DPP10: variants seen among roughly 807,000 people sequenced by gnomAD.
The protein encoded by DPP10 is inactive dipeptidyl peptidase 10.
DPP10 carries 33 observed loss-of-function variants against 120.9 expected under a neutral mutation model. The observed-to-expected ratio is 0.27, with a 90% CI of 0.21 to 0.37. The LOEUF is 0.37. DPP10 is among the 10% of genes least tolerant of loss of function. The probability of loss-of-function intolerance (pLI) is 1.00; values close to 1 mark genes in which losing one functional copy is unlikely to be tolerated. For missense variants in DPP10, 816 were observed against 942.8 expected, an observed-to-expected ratio of 0.87 and a Z score of 1.76; for synonymous variants, 337 against 326.1, an observed-to-expected ratio of 1.03 and a Z score of -0.36.
At chr2:115,184,613 A>C (rs1159678868) in intron 1 of DPP10, among the ~76,000 whole-genome samples, 1 of 152,218 alleles carries the variant, frequency 6.6e-6, no homozygotes, top group Non-Finnish European at 1.5e-5. Context: ...CTAATTAATG[A>C]CCCAGGCTAA....
intron 1 of DPP10, among the ~76,000 whole-genome samples, chr2:114,559,891 C>CAAAAAAAAAA (rs60833358): frequency 3.8e-4 from 25 of 65,930 alleles, no homozygotes; most frequent in Non-Finnish European, 5.0e-4. Context: ...AGAAAAAAAG[C>CAAAAAAAAAA]AAAAAAAAAA....
intron 1 of DPP10, among the ~76,000 whole-genome samples, chr2:114,670,904 TATA>T (rs1009203519): frequency 3.3e-5 from 5 of 152,160 alleles, no homozygotes; most frequent in Non-Finnish European, 5.9e-5. Flanking sequence ...ATGGTGTGAT[TATA>T]ATAATTATCA....
intron 5 of DPP10, among the ~76,000 whole-genome samples, chr2:115,563,042 T>C (rs571495233): frequency 1.3e-5 from 2 of 152,360 alleles, no homozygotes; most frequent in African/African-American, 2.4e-5. Context: ...GGAATATAAT[T>C]CATGGGTATG....
At chr2:115,253,755 A>C (rs2058853004) in intron 1 of DPP10, among the ~76,000 whole-genome samples, 1 of 152,226 alleles carries the variant, frequency 6.6e-6, no homozygotes, top group Admixed American at 6.5e-5. Context: ...CTCTGTGGCC[A>C]CTGCTCTATC....
chr2:115,246,193 G>A (rs1043446778), intron 1 of DPP10, among the ~76,000 whole-genome samples: 4 of 151,876 alleles, frequency 2.6e-5, no homozygotes, highest in Non-Finnish European at 5.9e-5. Flanking sequence ...AGTTATCTAC[G>A]AACTGACTAG....
At chr2:114,807,288 G>A (rs891659761) in intron 1 of DPP10, among the ~76,000 whole-genome samples, 2 of 152,114 alleles carry the variant, frequency 1.3e-5, no homozygotes, top group Non-Finnish European at 2.9e-5. Context: ...CATAATAGTT[G>A]TATGTATTTG....
intron 1 of DPP10, among the ~76,000 whole-genome samples, chr2:115,004,780 G>C (rs1238890876): frequency 6.6e-6 from 1 of 152,124 alleles, no homozygotes; most frequent in Non-Finnish European, 1.5e-5. Flanking sequence ...AGGCGGCAGC[G>C]AGGCTGGGGG....
intron 1 of DPP10, among the ~76,000 whole-genome samples, chr2:114,721,218 C>G (rs1399577776): frequency 6.6e-6 from 1 of 152,164 alleles, no homozygotes; most frequent in Non-Finnish European, 1.5e-5. Context: ...TTCTATCATT[C>G]TTCTCTGATG....
At position 115,830,682 on chromosome 2, in the gene DPP10, A is replaced by G. The variant is rs528108939; in HGVS notation, c.1951-5475A>G. On this transcript the variant is annotated intron_variant, in intron 21 of 25. Coordinates refer to ENST00000410059, the MANE Select transcript of DPP10 (RefSeq NM_020868.6). ...AGAGTTTGATTCCAAAAAGTAAAGA[A>G]GAGAAATAAATAAGGATGCCAGGAT... 5.6e-4 allele frequency among the ~76,000 whole-genome samples: 86 copies of G among 152,332 alleles called. 2 individuals are homozygous for G. Among genetic ancestry groups the G allele is most frequent in the African/African-American group, 2.0e-3 (83 of 41,576 alleles).
chr2:115,247,295 T>C (rs1405004473), intron 1 of DPP10, among the ~76,000 whole-genome samples: 1 of 152,116 alleles, frequency 6.6e-6, no homozygotes, highest in Non-Finnish European at 1.5e-5. Context: ...TGTTTTGATG[T>C]CAACCAAGGT....
At chr2:114,802,838 A>C (rs1255919524) in intron 1 of DPP10, among the ~76,000 whole-genome samples, 1 of 152,208 alleles carries the variant, frequency 6.6e-6, no homozygotes, top group African/African-American at 2.4e-5. Flanking sequence ...AAATAATAAT[A>C]ATTCAATTCT....
At chr2:114,542,862 T>C (rs1687063417) in intron 1 of DPP10, among the ~76,000 whole-genome samples, 1 of 152,208 alleles carries the variant, frequency 6.6e-6, no homozygotes, top group Non-Finnish European at 1.5e-5. Context: ...GATCTGCCTC[T>C]CATTTCTTAG....
At chr2:115,756,050 G>T (rs1679361618) in intron 11 of DPP10, among the ~76,000 whole-genome samples, 2 of 151,996 alleles carry the variant, frequency 1.3e-5, no homozygotes, top group Non-Finnish European at 2.9e-5. Flanking sequence ...TAAGTCTGGA[G>T]GACGTTATGT....
intron 1 of DPP10, among the ~76,000 whole-genome samples, chr2:115,069,631 T>C (rs1239483697): frequency 6.6e-6 from 1 of 152,090 alleles, no homozygotes; most frequent in Non-Finnish European, 1.5e-5. Flanking sequence ...TTGATTTTGT[T>C]GGAAATACAT....
At chr2:115,128,191 CAT>C (rs1417004482) in intron 1 of DPP10, among the ~76,000 whole-genome samples, 1 of 152,110 alleles carries the variant, frequency 6.6e-6, no homozygotes. Flanking sequence ...CCTCTCCAGA[CAT>C]ATTGATTTTT....
intron 3 of DPP10, among the ~76,000 whole-genome samples, chr2:115,377,427 A>C (rs1342128682): frequency 6.6e-6 from 1 of 152,142 alleles, no homozygotes; most frequent in Non-Finnish European, 1.5e-5. Flanking sequence ...AATTTGTTTA[A>C]GTTCATTGTA....
intron 1 of DPP10, among the ~76,000 whole-genome samples, chr2:115,170,528 A>G (rs1259941662): frequency 1.3e-5 from 2 of 152,222 alleles, no homozygotes; most frequent in Admixed American, 6.5e-5. Context: ...CTATGAAATT[A>G]TGAATAGATT....
At chr2:115,806,463 C>T (rs1006711714) in intron 19 of DPP10, among the ~76,000 whole-genome samples, 1 of 152,200 alleles carries the variant, frequency 6.6e-6, no homozygotes, top group South Asian at 2.1e-4. Context: ...GTAAAATTCC[C>T]TATGTTTATA....
At chr2:114,864,989 T>A (rs1690113043) in intron 1 of DPP10, among the ~76,000 whole-genome samples, 1 of 152,214 alleles carries the variant, frequency 6.6e-6, no homozygotes, top group Non-Finnish European at 1.5e-5. Context: ...TAGCAAATAG[T>A]AAAATCTGGG....
Sources: gnomAD v4.1 joint callset for allele counts (sites outside exome capture counted in the v4.1 genomes callset) on GRCh38, gnomAD v4.1.1 for gene constraint, MANE v1.5 for transcripts, NCBI Gene and HGNC (gene_info 2026-07-23, HGNC 2026-07-21) for gene names.